PDE1A: variants seen among roughly 807,000 people sequenced by gnomAD.
PDE1A encodes phosphodiesterase 1A.
In PDE1A, 35 loss-of-function variants were observed where a neutral mutation model predicts 61.7. The ratio of observed to expected loss-of-function variants is 0.57; its 90% CI spans 0.43 to 0.75. PDE1A has a LOEUF of 0.75. Among genes scored for constraint, PDE1A ranks in the 30% least tolerant of loss-of-function variants. The pLI is 0.00. For missense variants in PDE1A, 597 were observed against 630.6 expected, an observed-to-expected ratio of 0.95 and a Z score of 0.57; for synonymous variants, 232 against 213.2, an observed-to-expected ratio of 1.09 and a Z score of -0.77.
intron 2 of PDE1A, among the ~76,000 whole-genome samples, chr2:182,498,033 G>C (rs895191053): frequency 7.8e-6 from 1 of 128,690 alleles, no homozygotes; most frequent in Non-Finnish European, 1.6e-5. Context: ...GCGACAGAGC[G>C]AGATTGCGTC....
the PDE1A span, among the ~76,000 whole-genome samples, chr2:182,541,772 C>T: frequency 1.3e-5 from 2 of 152,222 alleles, no homozygotes; most frequent in Admixed American, 6.5e-5. Flanking sequence ...ATGCTCTGAA[C>T]GTAGAAAATT....
At chr2:182,204,724 T>TCAG (rs1686955266) in intron 8 of PDE1A, among the ~76,000 whole-genome samples, 1 of 152,224 alleles carries the variant, frequency 6.6e-6, no homozygotes, top group South Asian at 2.1e-4. Context: ...GAGTGGGCTA[T>TCAG]TAGTAGTTAA....
chr2:182,560,054 G>A, the PDE1A span, among the ~76,000 whole-genome samples: 11 of 146,372 alleles, frequency 7.5e-5, no homozygotes, highest in African/African-American at 2.7e-4. Context: ...ATGAGGAAGA[G>A]ATAGGGATTC....
chr2:182,459,664 C>T (rs951892848), intron 2 of PDE1A, among the ~76,000 whole-genome samples: 8 of 152,016 alleles, frequency 5.3e-5, no homozygotes, highest in Non-Finnish European at 1.0e-4. Flanking sequence ...ACTCTAGTTG[C>T]CAGGAAGTGA....
At chr2:182,675,728 T>C in the PDE1A span, among the ~76,000 whole-genome samples, 1 of 152,228 alleles carries the variant, frequency 6.6e-6, no homozygotes, top group Non-Finnish European at 1.5e-5. Context: ...CTTTTTTTCA[T>C]ATACTTGTTG....
At position 182,261,399 on chromosome 2, in the gene PDE1A, A is replaced by T. The variant is rs561613704; in HGVS notation, c.167+2902T>A. 7.2e-5 allele frequency among the ~76,000 whole-genome samples: 11 copies of T among 152,328 alleles called. 1 individual carries two copies. The South Asian group carries it at 2.3e-3, about 32-fold the overall frequency. ...GATTGTGGTGACACTAATGTGAGAT[A>T]ATGAAACTAAGAGCCCTTTGAAGAT... On this transcript the variant is annotated intron_variant, in intron 2 of 13. Transcript: ENST00000351439.
At chr2:182,145,559 C>T (rs1225480013), downstream of PDE1A, among the ~76,000 whole-genome samples, 2 of 152,042 alleles carry the variant, frequency 1.3e-5, 1 homozygote, top group South Asian at 4.2e-4. Flanking sequence ...GAAACCCTGT[C>T]TCTACTAAAA....
chr2:182,698,173 G>A, the PDE1A span, among the ~76,000 whole-genome samples: 1 of 152,134 alleles, frequency 6.6e-6, no homozygotes, highest in Non-Finnish European at 1.5e-5. Context: ...ATGCCCTGTT[G>A]CCATTCCTAA....
intron 10 of PDE1A, among the ~76,000 whole-genome samples, chr2:182,195,304 TAC>T (rs1440525717): frequency 6.6e-6 from 1 of 152,056 alleles, no homozygotes; most frequent in African/African-American, 2.4e-5. Context: ...GAAGCCCTCT[TAC>T]TTTTGTTCTA....
At chr2:182,234,470 C>T in exon 4 of PDE1A, 1 of 1,605,194 alleles carries the variant, frequency 6.2e-7, no homozygotes, top group Non-Finnish European at 8.5e-7. Context: ...TATGCCAAAC[C>T]AACCATATGA....
At chr2:182,365,927 G>A (rs1008272317) in intron 1 of PDE1A, among the ~76,000 whole-genome samples, 9 of 151,946 alleles carry the variant, frequency 5.9e-5, no homozygotes, top group African/African-American at 1.9e-4. Flanking sequence ...ACCTATGCTA[G>A]GTACCACACC....
chr2:182,640,351 A>G, the PDE1A span, among the ~76,000 whole-genome samples: 2 of 152,240 alleles, frequency 1.3e-5, no homozygotes, highest in Non-Finnish European at 2.9e-5. Flanking sequence ...AACAGTGAAC[A>G]ATCAGAATGT....
chr2:182,238,011 G>C (rs1283458954), intron 3 of PDE1A, among the ~76,000 whole-genome samples: 2 of 152,116 alleles, frequency 1.3e-5, no homozygotes, highest in Non-Finnish European at 2.9e-5. Context: ...GCTCACGCCT[G>C]TAATCCCAGC....
intron 1 of PDE1A, among the ~76,000 whole-genome samples, chr2:182,410,107 T>C (rs911448526): frequency 2.0e-5 from 3 of 152,116 alleles, no homozygotes. Context: ...ATCCCAGCAC[T>C]TTGGGAGGCT....
chr2:182,231,239 G>T, intron 4 of PDE1A, 108 bp from the exon 5 acceptor site: 1 of 684,248 alleles, frequency 1.5e-6, no homozygotes, highest in Non-Finnish European at 2.5e-6. Context: ...TTTCAATTTA[G>T]CATGTCAAAC....
the PDE1A span, among the ~76,000 whole-genome samples, chr2:182,629,428 A>C: frequency 3.3e-5 from 5 of 152,180 alleles, no homozygotes; most frequent in Admixed American, 3.3e-4. Context: ...CACTCAGATA[A>C]CAGGTGATGA....
intron 1 of PDE1A, among the ~76,000 whole-genome samples, chr2:182,296,604 C>T (rs1411058955): frequency 1.3e-5 from 2 of 152,054 alleles, no homozygotes; most frequent in African/African-American, 2.4e-5. Flanking sequence ...AAGAGGCCAC[C>T]GATCTTCAAG....
chr2:182,165,000 T>C (rs1691580373), downstream of PDE1A, among the ~76,000 whole-genome samples: 1 of 151,852 alleles, frequency 6.6e-6, no homozygotes. Flanking sequence ...TAGAATTCAC[T>C]GGTCTTAGCA....
At chr2:182,215,459 A>C (rs199775037) in intron 7 of PDE1A, among the ~76,000 whole-genome samples, 57,218 of 149,120 alleles carry the variant, frequency 0.38, 11,224 homozygotes, top group East Asian at 0.63. Flanking sequence ...ACCCTTCAAA[A>C]AATTAATGAA....
Sources: allele counts gnomAD v4.1 joint callset (sites outside exome capture counted in the v4.1 genomes callset), GRCh38; gene constraint gnomAD v4.1.1; transcripts MANE v1.5; gene names NCBI Gene and HGNC (gene_info 2026-07-23, HGNC 2026-07-21).